Variants in PRKG1 observed in about 807,000 individuals in gnomAD.
PRKG1 encodes the protein cGMP-dependent protein kinase 1.
A neutral mutation model predicts 88.1 loss-of-function variants in PRKG1; 35 were observed. The ratio of observed to expected loss-of-function variants is 0.40; its 90% CI spans 0.30 to 0.53. The LOEUF is 0.53. Ranked by LOEUF, PRKG1 falls within the 20% of genes least tolerant of loss-of-function variation. The pLI, the probability that PRKG1 is intolerant of heterozygous loss-of-function variation, is 0.59. For synonymous variants in PRKG1, 303 were observed against 292.5 expected, an observed-to-expected ratio of 1.04 and a Z score of -0.37; for missense variants, 540 against 839.8, an observed-to-expected ratio of 0.64 and a Z score of 4.41.
chr10:51,901,446 C>T (rs1564700011), intron 4 of PRKG1, among the ~76,000 whole-genome samples: 2 of 152,100 alleles, frequency 1.3e-5, no homozygotes, highest in Non-Finnish European at 1.5e-5. Flanking sequence ...GGTACCATAC[C>T]GTTTGAAAGA....
chr10:51,180,620 G>A (rs1837317649), intron 2 of PRKG1, among the ~76,000 whole-genome samples: 1 of 152,196 alleles, frequency 6.6e-6, no homozygotes, highest in East Asian at 1.9e-4. Context: ...AGCCAAATGT[G>A]TGAATTTCAC....
At chr10:51,533,879 A>G (rs1842077671) in intron 3 of PRKG1, among the ~76,000 whole-genome samples, 1 of 152,210 alleles carries the variant, frequency 6.6e-6, no homozygotes, top group Admixed American at 6.5e-5. Context: ...GGAAGGTTAC[A>G]AGAATTGCCA....
chr10:51,697,727 T>C, intron 3 of PRKG1: 2 of 1,614,184 alleles, frequency 1.2e-6, no homozygotes, highest in Non-Finnish European at 1.7e-6. Flanking sequence ...TTTCTGGATT[T>C]GTTCCTTTAA....
At chr10:51,521,102 C>T (rs984860912) in intron 3 of PRKG1, among the ~76,000 whole-genome samples, 4 of 152,200 alleles carry the variant, frequency 2.6e-5, no homozygotes, top group Admixed American at 1.3e-4. Flanking sequence ...GCCTGGCCAA[C>T]ATGGGGAAAC....
intron 4 of PRKG1, among the ~76,000 whole-genome samples, chr10:51,863,340 C>T (rs148123018): frequency 2.4e-3 from 370 of 152,330 alleles, no homozygotes; most frequent in Admixed American, 5.5e-3. Flanking sequence ...GTTCACCTGG[C>T]TCCATTTCAA....
intron 3 of PRKG1, chr10:51,697,738 A>C: frequency 6.2e-7 from 1 of 1,614,156 alleles, no homozygotes. Context: ...GTTCCTTTAA[A>C]ATCAGGATAC....
At chr10:51,530,424 A>G (rs1448206471) in intron 3 of PRKG1, among the ~76,000 whole-genome samples, 1 of 152,192 alleles carries the variant, frequency 6.6e-6, no homozygotes, top group Non-Finnish European at 1.5e-5. Context: ...GGGTGGGCAA[A>G]CATAGTGCTC....
intron 3 of PRKG1, among the ~76,000 whole-genome samples, chr10:51,772,055 C>T (rs1404142599): frequency 1.3e-5 from 2 of 151,682 alleles, no homozygotes; most frequent in Non-Finnish European, 2.9e-5. Flanking sequence ...AATATTGATT[C>T]GACTTTTGAT....
chr10:51,595,075 G>A (rs563830632), intron 3 of PRKG1, among the ~76,000 whole-genome samples: 13 of 152,286 alleles, frequency 8.5e-5, no homozygotes, highest in Admixed American at 1.3e-4. Context: ...TGCCAAGTGC[G>A]GTGGCTCAAG....
At chr10:51,162,491 G>A (rs1846389066) in intron 2 of PRKG1, among the ~76,000 whole-genome samples, 1 of 152,104 alleles carries the variant, frequency 6.6e-6, no homozygotes, top group South Asian at 2.1e-4. Context: ...GAATTATGGT[G>A]GATGACGTAA....
chr10:51,074,474 A>G, upstream of PRKG1: 2 of 1,473,260 alleles, frequency 1.4e-6, no homozygotes, highest in Non-Finnish European at 1.8e-6. Flanking sequence ...GGTCTCAAGT[A>G]GGAAGCTTTG....
At chr10:51,172,555 C>T (rs948014718) in intron 2 of PRKG1, among the ~76,000 whole-genome samples, 1 of 151,808 alleles carries the variant, frequency 6.6e-6, no homozygotes, top group African/African-American at 2.4e-5. Context: ...TTGGCCCTGT[C>T]TTTTTTTCCA....
At chr10:52,082,404 T>C (rs1564461114) in intron 7 of PRKG1, among the ~76,000 whole-genome samples, 1 of 152,146 alleles carries the variant, frequency 6.6e-6, no homozygotes, top group Non-Finnish European at 1.5e-5. Context: ...CTTAAACATG[T>C]TTAACAGCCA....
At chr10:51,352,030 G>C (rs1842259490) in intron 2 of PRKG1, among the ~76,000 whole-genome samples, 1 of 152,044 alleles carries the variant, frequency 6.6e-6, no homozygotes, top group African/African-American at 2.4e-5. Context: ...TTTGTGTCAG[G>C]TTTGTCAAAG....
At chr10:51,125,125 T>C (rs1845364151) in intron 1 of PRKG1, among the ~76,000 whole-genome samples, 1 of 151,984 alleles carries the variant, frequency 6.6e-6, no homozygotes, top group African/African-American at 2.4e-5. Context: ...CGAGAGCAGG[T>C]TGAGCAACAT....
intron 9 of PRKG1, among the ~76,000 whole-genome samples, chr10:52,177,440 C>T (rs556518859): frequency 6.5e-4 from 99 of 152,216 alleles, no homozygotes; most frequent in South Asian, 2.7e-3. Flanking sequence ...CTATGTTCAT[C>T]AGGGATATTT....
chr10:52,044,889 C>T (rs1476445234), intron 5 of PRKG1, among the ~76,000 whole-genome samples: 1 of 152,136 alleles, frequency 6.6e-6, no homozygotes, highest in Non-Finnish European at 1.5e-5. Context: ...ATCCTGGTGA[C>T]AGTTCCGTTA....
chr10:51,780,565 T>C (rs896079344), intron 3 of PRKG1, among the ~76,000 whole-genome samples: 1 of 152,204 alleles, frequency 6.6e-6, no homozygotes, highest in African/African-American at 2.4e-5. Flanking sequence ...ACATAACTTG[T>C]AATTCTTATT....
At chr10:51,887,823 C>T (rs1259786726) in intron 4 of PRKG1, among the ~76,000 whole-genome samples, 1 of 152,048 alleles carries the variant, frequency 6.6e-6, no homozygotes, top group Non-Finnish European at 1.5e-5. Flanking sequence ...AGGAGACTCT[C>T]CTTTATATTG....
Sources: gnomAD v4.1 joint callset for allele counts (sites outside exome capture counted in the v4.1 genomes callset) on GRCh38, gnomAD v4.1.1 for gene constraint, MANE v1.5 for transcripts, NCBI Gene and HGNC (gene_info 2026-07-23, HGNC 2026-07-21) for gene names.